Variants in KIAA0232 observed in about 807,000 individuals in gnomAD.
KIAA0232 encodes the protein uncharacterized protein KIAA0232.
Under a neutral mutation model 122.0 loss-of-function variants are expected in KIAA0232, and 27 were observed. The ratio of observed to expected loss-of-function variants is 0.22; its 90% CI spans 0.16 to 0.31. KIAA0232 has a LOEUF of 0.31. Ranked by LOEUF, KIAA0232 falls within the 10% of genes least tolerant of loss-of-function variation. KIAA0232 has a pLI of 1.00. For missense variants in KIAA0232, 1,551 were observed against 1,634.2 expected, an observed-to-expected ratio of 0.95 and a Z score of 0.88; for synonymous variants, 613 against 587.6, an observed-to-expected ratio of 1.04 and a Z score of -0.63.
intron 3 of KIAA0232, among the ~76,000 whole-genome samples, chr4:6,836,946 T>G (rs556417735): frequency 6.6e-6 from 1 of 152,356 alleles, no homozygotes; most frequent in East Asian, 1.9e-4. Flanking sequence ...GTCTATTTCT[T>G]TCCACACAGA....
At chr4:6,805,022 C>G (rs769603662) in intron 2 of KIAA0232, among the ~76,000 whole-genome samples, 2 of 152,306 alleles carry the variant, frequency 1.3e-5, no homozygotes, top group South Asian at 2.1e-4. Context: ...TAAACCTGCT[C>G]TTGTTTCAGC....
intron 5 of KIAA0232, among the ~76,000 whole-genome samples, chr4:6,857,495 G>A (rs923136002): frequency 6.6e-6 from 1 of 152,096 alleles, no homozygotes; most frequent in Non-Finnish European, 1.5e-5. Flanking sequence ...AACACTTCAT[G>A]GTTTTCTGTT....
chr4:6,812,308 A>G lies in KIAA0232; in HGVS notation c.-270+7702A>G, dbSNP rs115642426. Among the ~76,000 whole-genome samples, 933 of 152,288 alleles carry G rather than the reference A, an allele frequency of 6.1e-3. 7 individuals carry two copies. The highest frequency in any genetic ancestry group is 0.01 in the Non-Finnish European group (702 of 68,016). ...GCACACCGGCTCCATGAGGCTGTTGAGCACTTGAACTGTAGCTGGTGTGAC... is the reference window on the plus strand; with the variant it reads ...GCACACCGGCTCCATGAGGCTGTTGGGCACTTGAACTGTAGCTGGTGTGAC... On this transcript the variant is annotated intron_variant, in intron 2 of 9. Transcript: ENST00000307659.
At chr4:6,799,578 C>T (rs978056848) in intron 1 of KIAA0232, among the ~76,000 whole-genome samples, 4 of 152,062 alleles carry the variant, frequency 2.6e-5, no homozygotes, top group African/African-American at 9.7e-5. Context: ...AAGTCAAAAT[C>T]GTGGATGGCA....
rs563393305 is a variant in KIAA0232, at chr4:6,858,948, A to G, written c.518+442A>G. Among the ~76,000 whole-genome samples, 61 of 152,216 alleles carry G rather than the reference A, an allele frequency of 4.0e-4. 1 individual carries two copies. The South Asian group carries it at 0.011, about 26-fold the overall frequency. On this transcript the variant is annotated intron_variant, in intron 6 of 9. Coordinates refer to ENST00000307659, the MANE Select transcript of KIAA0232 (RefSeq NM_014743.3). ...AACATGGTGAAACCCAGTCTCAAAT[A>G]TTAGTTGAGCATGGTGGTACATGCC...
chr4:6,875,695 G>C (rs1319172326), intron 8 of KIAA0232, among the ~76,000 whole-genome samples: 1 of 152,160 alleles, frequency 6.6e-6, no homozygotes, highest in Non-Finnish European at 1.5e-5. Context: ...TGGGGGGTGT[G>C]ATCTGGTTTT....
At chr4:6,808,093 C>A (rs779164430) in intron 2 of KIAA0232, among the ~76,000 whole-genome samples, 1 of 151,948 alleles carries the variant, frequency 6.6e-6, no homozygotes, top group Non-Finnish European at 1.5e-5. Flanking sequence ...AAATAACAGA[C>A]AAGAATTATT....
In KIAA0232 at chr4:6,851,396, C is replaced by CT. The variant is rs542901575; in HGVS notation, c.370-5762dup. ...CTCCATATGAAAGTAAGAAACAGGA[C>CT]TTTTTTGCATATCATAAAAAATAGG... On this transcript the variant is annotated intron_variant, in intron 4 of 9. Transcript: ENST00000307659. 1.6e-3 allele frequency among the ~76,000 whole-genome samples: 245 copies of CT among 152,270 alleles called. 2 individuals carry two copies. The highest frequency in any genetic ancestry group is 2.4e-3 in the Non-Finnish European group (160 of 68,016).
chr4:6,787,738 C>T lies in KIAA0232; in HGVS notation c.-354+4897C>T, dbSNP rs370694754. On this transcript the variant is annotated intron_variant, in intron 1 of 9. Transcript: ENST00000307659. ...AACTGGCCTCTCTTTTTTCTGGTCT[C>T]TCCTCCTCTGTTCTGTTGCCAGAAT... 3.3e-5 allele frequency among the ~76,000 whole-genome samples: 5 copies of T among 152,300 alleles called. No homozygotes were observed. In the South Asian group the frequency reaches 6.2e-4, roughly 19 times the overall value.
intron 3 of KIAA0232, among the ~76,000 whole-genome samples, chr4:6,840,240 C>A (rs1406217519): frequency 6.6e-6 from 1 of 152,132 alleles, no homozygotes; most frequent in Non-Finnish European, 1.5e-5. Context: ...GGATCATATT[C>A]TCACACACTG....
At chr4:6,823,508 G>T (rs1054585295) in intron 2 of KIAA0232, among the ~76,000 whole-genome samples, 4 of 152,130 alleles carry the variant, frequency 2.6e-5, no homozygotes, top group African/African-American at 9.7e-5. Context: ...ACCTTTATTT[G>T]TATGAAATCA....
At chr4:6,866,309 A>C in intron 7 of KIAA0232, 12 of 887,996 alleles carry the variant, frequency 1.4e-5, no homozygotes, top group Non-Finnish European at 1.6e-5. Flanking sequence ...GGTTTCCTTG[A>C]AAGGTCTTAG....
chr4:6,810,162 A>T (rs1317298773), intron 2 of KIAA0232, among the ~76,000 whole-genome samples: 1 of 152,214 alleles, frequency 6.6e-6, no homozygotes, highest in Admixed American at 6.5e-5. Context: ...GTATCACATT[A>T]CCTGACTTCA....
intron 1 of KIAA0232, among the ~76,000 whole-genome samples, chr4:6,803,518 A>G (rs1487857400): frequency 6.6e-6 from 1 of 152,178 alleles, no homozygotes; most frequent in Non-Finnish European, 1.5e-5. Flanking sequence ...AAATACTTGA[A>G]GGATTCATTT....
At chr4:6,797,707 A>G (rs1208532646) in intron 1 of KIAA0232, among the ~76,000 whole-genome samples, 1 of 149,010 alleles carries the variant, frequency 6.7e-6, no homozygotes, top group Admixed American at 6.8e-5. Flanking sequence ...TCCAGGCTGC[A>G]GTGAGCCATG....
In KIAA0232 at chr4:6,862,741, A is replaced by G. The variant is rs1475610391; in HGVS notation, c.2359A>G (p.Lys787Glu). The change falls in exon 7 of 10, where the codon AAA (lysine) becomes GAA (glutamate). Residue 787 changes from lysine to glutamate, a missense_variant. Transcript: ENST00000307659. Reference protein sequence around the residue: ...IPTLVFKKTSKLESVCGIQLE... With the variant: ...IPTLVFKKTSELESVCGIQLE... ...TACATTAGTTTTCAAAAAAACATCT[A>G]AACTAGAATCCGTCTGTGGTATTCA... The G allele has an allele frequency of 6.2e-7, 1 of 1,612,454 alleles. No homozygotes were observed. Among genetic ancestry groups the G allele is most frequent in the Non-Finnish European group, 8.5e-7 (1 of 1,179,656 alleles).
intron 4 of KIAA0232, among the ~76,000 whole-genome samples, chr4:6,847,535 C>T (rs1048461676): frequency 6.6e-6 from 1 of 152,208 alleles, no homozygotes; most frequent in East Asian, 1.9e-4. Context: ...GTGAATATTT[C>T]TCCAGGGAAT....
intron 1 of KIAA0232, among the ~76,000 whole-genome samples, chr4:6,802,897 C>G (rs1717448871): frequency 6.7e-6 from 1 of 150,256 alleles, no homozygotes; most frequent in Non-Finnish European, 1.5e-5. Context: ...GTGGCTCATG[C>G]TTGTAATCCC....
rs1722134900 is a variant in KIAA0232, at chr4:6,882,626, GT to G, written c.*1661del. 2 of 68,718 alleles carry G rather than the reference GT, an allele frequency of 2.9e-5. No individual in the cohort carries two copies. The highest frequency in any genetic ancestry group is 4.2e-5 in the African/African-American group (1 of 23,898). The allele number at this position is 68,718 out of a possible 1,614,324, so 4.3% of individuals were successfully genotyped here. On this transcript the variant is annotated 3_prime_UTR_variant, in exon 10 of 10. Transcript: ENST00000307659. Reference sequence around the variant, plus strand: ...TTTTTTGACACTTTAAGGTGGGTGGGTGTGTGTGTGTGTGTGTGTGTGCGCG... The same window carrying G: ...TTTTTTGACACTTTAAGGTGGGTGGGGTGTGTGTGTGTGTGTGTGTGCGCG...
Sources: allele counts gnomAD v4.1 joint callset (sites outside exome capture counted in the v4.1 genomes callset), GRCh38; gene constraint gnomAD v4.1.1; transcripts MANE v1.5; gene names NCBI Gene and HGNC (gene_info 2026-07-23, HGNC 2026-07-21).